The following ATAT1 variants were observed in gnomAD, a reference collection of about 807,000 sequenced individuals.
ATAT1 encodes the protein alpha tubulin acetyltransferase 1, also known as alpha-tubulin N-acetyltransferase 1.
A neutral mutation model predicts 57.2 loss-of-function variants in ATAT1; 42 were observed. The ratio of observed to expected loss-of-function variants is 0.73; its 90% CI spans 0.57 to 0.95. The LOEUF (loss-of-function observed/expected upper bound fraction) is 0.95, where lower values mean the gene tolerates loss of function less well. Among genes scored for constraint, ATAT1 ranks in the 40% least tolerant of loss-of-function variants. The pLI, the probability that ATAT1 is intolerant of heterozygous loss-of-function variation, is 0.00. For missense variants in ATAT1, 454 were observed against 523.7 expected, an observed-to-expected ratio of 0.87 and a Z score of 1.30; for synonymous variants, 168 against 187.1, an observed-to-expected ratio of 0.90 and a Z score of 0.83.
chr6:30,635,959 A>G (rs1763983963), intron 6 of ATAT1, among the ~76,000 whole-genome samples: 1 of 152,224 alleles, frequency 6.6e-6, no homozygotes, highest in African/African-American at 2.4e-5. Flanking sequence ...TAGCATTAGA[A>G]TGATTCAGTA....
Position 30,642,833 on chromosome 6 carries a change from G to GAGCCCC in ATAT1, c.754_755insAGCCCC (p.Ala252delinsGluProPro). The GAGCCCC allele has an allele frequency of 3.3e-6, 5 of 1,537,872 alleles. No homozygotes were observed. Among genetic ancestry groups the GAGCCCC allele is most frequent in the South Asian group, 2.3e-5 (2 of 86,354 alleles). ...GGCCCCTCGCCGCGCCACACCTCCAGCCCACCCACCCCCCCGCTCCAGCAG... is the reference window on the plus strand; with the variant it reads ...GGCCCCTCGCCGCGCCACACCTCCAGAGCCCCCCCACCCACCCCCCCGCTCCAGCAG... On this transcript the variant is annotated protein_altering_variant, in exon 10 of 13. Transcript: ENST00000330083.
chr6:30,628,751 C>T (rs147478648), intron 6 of ATAT1, among the ~76,000 whole-genome samples: 8 of 151,332 alleles, frequency 5.3e-5, no homozygotes, highest in African/African-American at 1.9e-4. Flanking sequence ...ACTACAGGCA[C>T]CCACCACCAC....
chr6:30,626,904 G>T lies in ATAT1; in HGVS notation c.-300G>T. ...ATGGGCCATGGAGTTCCCGTTCGAT[G>T]TGGACGCGCTGTTCCCGGAGCGGAT... On this transcript the variant is annotated 5_prime_UTR_variant, in exon 1 of 13. Coordinates refer to ENST00000330083, the MANE Select transcript of ATAT1 (RefSeq NM_001031722.4). 6.2e-7 allele frequency: 1 copy of T among 1,608,538 alleles called. No individual in the cohort carries two copies. The highest frequency in any genetic ancestry group is 8.5e-7 in the Non-Finnish European group (1 of 1,178,322).
chr6:30,639,294 A>G (rs2127534721), intron 6 of ATAT1, among the ~76,000 whole-genome samples: 1 of 151,354 alleles, frequency 6.6e-6, no homozygotes. Context: ...GCACCTTTTT[A>G]TGTGCTTATT....
intron 5 of ATAT1, 40 bp downstream of exon 5, chr6:30,628,185 C>T (rs757688266): frequency 1.3e-5 from 21 of 1,578,126 alleles, no homozygotes; most frequent in Admixed American, 1.7e-5. Context: ...AAACTAGGGG[C>T]TCCTTTGCCC....
chr6:30,633,311 G>A (rs1763320747), intron 6 of ATAT1, among the ~76,000 whole-genome samples: 1 of 152,158 alleles, frequency 6.6e-6, no homozygotes, highest in African/African-American at 2.4e-5. Context: ...ATACTTCCCT[G>A]GAGATCAGGG....
At chr6:30,635,192 T>G (rs1424262944) in intron 6 of ATAT1, among the ~76,000 whole-genome samples, 4 of 152,214 alleles carry the variant, frequency 2.6e-5, no homozygotes. Context: ...GAAACAATAT[T>G]GTGCAACAAT....
At chr6:30,646,333 C>A in intron 12 of ATAT1, 136 bp from the exon 13 acceptor site, 1 of 1,447,214 alleles carries the variant, frequency 6.9e-7, no homozygotes. Context: ...TAAATTTGGA[C>A]ATAGCACTAA....
intron 8 of ATAT1, 173 bp from the exon 9 acceptor site, chr6:30,642,003 C>T: frequency 2.7e-6 from 4 of 1,481,604 alleles, no homozygotes; most frequent in Non-Finnish European, 2.7e-6. Flanking sequence ...TCCACATTCC[C>T]CTCAAATTCC....
chr6:30,646,250 T>A (rs926865253), intron 12 of ATAT1, 141 bp downstream of exon 12: 1 of 1,471,390 alleles, frequency 6.8e-7, no homozygotes, highest in Non-Finnish European at 9.0e-7. Context: ...CTACCTTACA[T>A]CCTGCAAGCC....
At chr6:30,642,150 C>T in intron 8 of ATAT1, 26 bp from the exon 9 acceptor site, 1 of 1,613,948 alleles carries the variant, frequency 6.2e-7, no homozygotes, top group Non-Finnish European at 8.5e-7. Flanking sequence ...TAACGCTTAC[C>T]CTGCCTATGT....
At position 30,638,619 on chromosome 6, in the gene ATAT1, G is replaced by C. The variant is rs940776663; in HGVS notation, c.502-1758G>C. On this transcript the variant is annotated intron_variant, in intron 6 of 12. Transcript: ENST00000330083. ...GACGGAGTCTCTCTCTGTCGCCCAG[G>C]CTGGAGTGCAGTGTTGCCATCTCGG... 5.3e-5 allele frequency among the ~76,000 whole-genome samples: 8 copies of C among 151,638 alleles called. 1 individual carries two copies. The highest frequency in any genetic ancestry group is 3.3e-4 in the Admixed American group (5 of 15,210).
chr6:30,636,702 T>C (rs1364231007), intron 6 of ATAT1, among the ~76,000 whole-genome samples: 1 of 152,078 alleles, frequency 6.6e-6, no homozygotes, highest in Non-Finnish European at 1.5e-5. Context: ...GAGGATGGGC[T>C]GGTAGACATT....
rs9262125 is a variant in ATAT1 at position 30,627,841 on chromosome 6, C to T, written c.225-10C>T. 3.6e-4 allele frequency: 577 copies of T among 1,612,726 alleles called. 2 individuals carry two copies. The highest frequency in any genetic ancestry group is 2.0e-3 in the Middle Eastern group (12 of 6,062). On this transcript the variant is annotated splice_polypyrimidine_tract_variant and intron_variant, in intron 3 of 12. Coordinates refer to ENST00000330083, the MANE Select transcript of ATAT1 (RefSeq NM_001031722.4). The stretch of plus-strand genomic sequence containing the variant: ...CCACTAGCCTGTTCATTATTTTCCC[C>T]GTCCTACAGGGCTGGAAAAGGAGCC...
chr6:30,645,420 T>G (rs139649166), intron 10 of ATAT1, among the ~76,000 whole-genome samples: 11 of 152,164 alleles, frequency 7.2e-5, no homozygotes, highest in African/African-American at 2.4e-4. Flanking sequence ...TTCACCATGT[T>G]GGCCAGGTTG....
At position 30,628,262 on chromosome 6, in the gene ATAT1, C is replaced by T. The variant is rs1762094088; in HGVS notation, c.400-67C>T. On this transcript the variant is annotated intron_variant, in intron 5 of 12. Transcript: ENST00000330083. ...CATGTCATTCTATTCCCTTCCCAGG[C>T]TTCTGGCTTCCTGTTGGCATGCTTT... 3.9e-6 allele frequency: 6 copies of T among 1,556,366 alleles called. No homozygotes were observed. In the South Asian group the frequency reaches 5.6e-5, roughly 14 times the overall value.
At chr6:30,642,383 C>T in intron 9 of ATAT1, 136 bp downstream of exon 9, 2 of 1,260,262 alleles carry the variant, frequency 1.6e-6, no homozygotes, top group Non-Finnish European at 1.1e-6. Context: ...TGGCTCATGC[C>T]TGTAATCCCA....
intron 6 of ATAT1, among the ~76,000 whole-genome samples, chr6:30,636,632 T>C (rs1764149681): frequency 6.6e-6 from 1 of 151,430 alleles, no homozygotes; most frequent in South Asian, 2.1e-4. Flanking sequence ...TTCAGGACAC[T>C]ACAAGCAGTG....
intron 8 of ATAT1, chr6:30,641,875 G>C: frequency 2.5e-6 from 3 of 1,216,144 alleles, no homozygotes; most frequent in Non-Finnish European, 3.1e-6. Flanking sequence ...CTGACAGTAA[G>C]AGCTCACTTC....
Sources: gnomAD v4.1 joint callset for allele counts (sites outside exome capture counted in the v4.1 genomes callset) on GRCh38, gnomAD v4.1.1 for gene constraint, MANE v1.5 for transcripts, NCBI Gene and HGNC (gene_info 2026-07-23, HGNC 2026-07-21) for gene names.